Variants in GSTA1 observed in about 807,000 individuals in gnomAD.
GSTA1 encodes glutathione S-transferase A1.
A neutral mutation model predicts 21.5 loss-of-function variants in GSTA1; 23 were observed. The observed-to-expected ratio is 1.07, with a 90% confidence interval of 0.77 to 1.52. The LOEUF (loss-of-function observed/expected upper bound fraction) is 1.52. Among genes scored for constraint, GSTA1 ranks in the 40% most tolerant of loss-of-function variants. The pLI, the probability that GSTA1 is intolerant of heterozygous loss-of-function variation, is 0.00. For missense variants in GSTA1, 301 were observed against 264.2 expected, an observed-to-expected ratio of 1.14 and a Z score of -0.96; for synonymous variants, 125 against 90.0, an observed-to-expected ratio of 1.39 and a Z score of -2.20.
chr6:52,792,840 CT>C lies in GSTA1; in HGVS notation c.546+15del. 6.2e-7 allele frequency: 1 copy of C among 1,613,684 alleles called. No homozygotes were observed. Among genetic ancestry groups the C allele is most frequent in the Non-Finnish European group, 8.5e-7 (1 of 1,179,740 alleles). The stretch of plus-strand genomic sequence containing the variant: ...GGAGATGTGGGGCTGCCTCTCTGGG[CT>C]GTGAAATGGGTCACCTTCAGCAGAG... On this transcript the variant is annotated intron_variant, in intron 6 of 6. Coordinates refer to ENST00000334575, the MANE Select transcript of GSTA1 (RefSeq NM_145740.5).
intron 5 of GSTA1, among the ~76,000 whole-genome samples, chr6:52,793,824 G>A (rs1211162450): frequency 6.6e-6 from 1 of 152,192 alleles, no homozygotes; most frequent in African/African-American, 2.4e-5. Flanking sequence ...AGACTCAACA[G>A]CAACCTCTAG....
At chr6:52,792,535 A>G (rs1213207687) in intron 6 of GSTA1, among the ~76,000 whole-genome samples, 1 of 152,260 alleles carries the variant, frequency 6.6e-6, no homozygotes, top group East Asian at 1.9e-4. Flanking sequence ...GTGGGCACAT[A>G]TGGGATAAAG....
In GSTA1 at chr6:52,791,997, A is replaced by G; in HGVS notation, c.547-17T>C. ...TTTCAGGGCCTGTAATTCATAAAGC[A>G]CAGCCTCAGAGTGAAGCCAAGGGCT... On this transcript the variant is annotated splice_polypyrimidine_tract_variant and intron_variant, in intron 6 of 6. Coordinates refer to ENST00000334575, the MANE Select transcript of GSTA1 (RefSeq NM_145740.5). 3.1e-6 allele frequency: 5 copies of G among 1,613,894 alleles called. No homozygotes were observed. Among genetic ancestry groups the G allele is most frequent in the Non-Finnish European group, 4.2e-6 (5 of 1,179,848 alleles).
At chr6:52,793,011 C>G (rs1475434195) in intron 5 of GSTA1, 24 bp from the exon 6 acceptor site, 1 of 1,613,920 alleles carries the variant, frequency 6.2e-7, no homozygotes, top group Non-Finnish European at 8.5e-7. Flanking sequence ...GGAATCAGAT[C>G]AGGAACACAT....
intron 3 of GSTA1, among the ~76,000 whole-genome samples, chr6:52,796,565 G>C (rs192776557): frequency 1.8e-5 from 1 of 54,842 alleles, no homozygotes; most frequent in African/African-American, 5.7e-5. Flanking sequence ...TTTTTTTTTG[G>C]CAGAGTATCA....
chr6:52,794,347 T>G, intron 4 of GSTA1, 81 bp from the exon 5 acceptor site: 1 of 1,413,892 alleles, frequency 7.1e-7, no homozygotes, highest in Non-Finnish European at 9.6e-7. Context: ...GGGAGTAGAG[T>G]ATCAGGTGAT....
chr6:52,792,041 AC>A, intron 6 of GSTA1, 61 bp from the exon 7 acceptor site: 2 of 1,602,880 alleles, frequency 1.2e-6, no homozygotes, highest in Non-Finnish European at 1.7e-6. Context: ...CATTAACATG[AC>A]CCAGGGAATC....
chr6:52,799,152 A>G (rs765982798), intron 2 of GSTA1, 29 bp downstream of exon 2: 30 of 1,599,752 alleles, frequency 1.9e-5, no homozygotes, highest in Middle Eastern at 3.3e-4. Context: ...TTTTAAATCC[A>G]ACTTAAGATG....
chr6:52,794,203 A>G lies in GSTA1; in HGVS notation c.336T>C (p.Cys112=), dbSNP rs1763522960. The change falls in exon 5 of 7, where the codon TGT becomes TGC. Residue 112 remains cysteine, a synonymous_variant. Transcript: ENST00000334575. ...LGEMILLLPV[C]PPEEKDAKLA... is the part of the protein sequence containing the mutation. Reference sequence around the variant, plus strand: ...GCTTGGCATCTTTTTCCTCAGGTGGACATACGGGCAGAAGGAGGATCATTT... The same window carrying G: ...GCTTGGCATCTTTTTCCTCAGGTGGGCATACGGGCAGAAGGAGGATCATTT... The G allele has an allele frequency of 6.2e-7, 1 of 1,613,718 alleles. No homozygotes were observed. Among genetic ancestry groups the G allele is most frequent in the African/African-American group, 1.3e-5 (1 of 74,924 alleles).
chr6:52,802,146 A>T (rs1763733234), intron 1 of GSTA1, among the ~76,000 whole-genome samples: 1 of 152,164 alleles, frequency 6.6e-6, no homozygotes, highest in African/African-American at 2.4e-5. Flanking sequence ...CAACCTAAAA[A>T]TCAGAGTGAG....
chr6:52,797,729 A>C (rs1056443027), intron 2 of GSTA1, 92 bp from the exon 3 acceptor site: 2 of 1,135,102 alleles, frequency 1.8e-6, no homozygotes, highest in African/African-American at 3.0e-5. Flanking sequence ...CATTTGGAGA[A>C]TACAAGATTT....
chr6:52,796,489 A>ATGTG (rs1303717345), intron 3 of GSTA1, among the ~76,000 whole-genome samples, 175 bp from the exon 4 acceptor site: 4 of 13,078 alleles, frequency 3.1e-4, no homozygotes, highest in African/African-American at 1.7e-3. Flanking sequence ...ATATATATAT[A>ATGTG]TGTGTGTGTG....
chr6:52,792,523 T>C (rs4147615), intron 6 of GSTA1, among the ~76,000 whole-genome samples: 48,199 of 151,898 alleles, frequency 0.32, 9,107 homozygotes, highest in Non-Finnish European at 0.42. Context: ...GACCGGCTCA[T>C]TGTGGGCACA....
chr6:52,799,696 G>T (rs1763668230), intron 1 of GSTA1, among the ~76,000 whole-genome samples: 1 of 152,184 alleles, frequency 6.6e-6, no homozygotes, highest in African/African-American at 2.4e-5. Context: ...CCCGTGAAAT[G>T]ATTGTTATCT....
chr6:52,793,000 A>AT lies in GSTA1; in HGVS notation c.415-14_415-13insA, dbSNP rs1161295088. On this transcript the variant is annotated splice_polypyrimidine_tract_variant and intron_variant, in intron 5 of 6. Transcript: ENST00000334575. ...GGCTCTTTAAGACCTGGAGAATGGG[A>AT]GGAATCAGATCAGGAACACATGCAC... is the stretch of plus-strand genomic sequence containing the variant. 2 of 1,613,898 alleles carry AT rather than the reference A, an allele frequency of 1.2e-6. No homozygotes were observed. The highest frequency in any genetic ancestry group is 2.7e-5 in the African/African-American group (2 of 74,912).
At position 52,796,196 on chromosome 6, in the gene GSTA1, T is replaced by C; in HGVS notation, c.258A>G (p.Ile86Met). 6.2e-7 allele frequency: 1 copy of C among 1,613,712 alleles called. No individual in the cohort carries two copies. ...ASKYNLYGKD[I>M]KERALIDMYI... ...ATATACCGTACAGGGCTCTCTCCTT[T>C]ATGTCTTTCCCATAGAGGTTGTATT... Residue 86 changes from isoleucine (I) to methionine (M), a missense_variant, in exon 4 of 7, where the codon ATA becomes ATG. Physicochemically the swap from Ile to Met is conservative, Grantham distance 10 (BLOSUM62 1). Transcript: ENST00000334575.
chr6:52,794,795 T>C (rs1410893764), intron 4 of GSTA1, among the ~76,000 whole-genome samples: 12 of 152,298 alleles, frequency 7.9e-5, no homozygotes, highest in Middle Eastern at 3.4e-3. Flanking sequence ...CCACAGCCCT[T>C]TCCATGTGCT....
At chr6:52,792,639 A>G (rs1763484193) in intron 6 of GSTA1, 26 of 1,235,800 alleles carry the variant, frequency 2.1e-5, no homozygotes, top group Non-Finnish European at 2.7e-5. Context: ...TAAAGGGCAA[A>G]ATACTCTTTG....
At position 52,796,544 on chromosome 6, in the gene GSTA1, T is replaced by TACA; in HGVS notation, c.140-231_140-230insTGT. On this transcript the variant is annotated intron_variant, in intron 3 of 6. Coordinates refer to ENST00000334575, the MANE Select transcript of GSTA1 (RefSeq NM_145740.5). ...GTGTGTGTGTGTATATATATATATATTTTTTTTTTTTTTTTTTTTGGCAGA... is the reference window on the plus strand; with the variant it reads ...GTGTGTGTGTGTATATATATATATATACATTTTTTTTTTTTTTTTTTTGGCAGA... Among the ~76,000 whole-genome samples, 2 of 40,430 alleles carry TACA rather than the reference T, an allele frequency of 4.9e-5. 1 individual carries two copies. Among genetic ancestry groups the TACA allele is most frequent in the East Asian group, 9.3e-4 (2 of 2,160 alleles). 26.5% of individuals were successfully genotyped at this position (40,430 alleles called of 152,430 possible). A position where few individuals can be genotyped will look rare whatever the true frequency, so the allele number is the denominator to read the frequency against.
Sources: allele counts gnomAD v4.1 joint callset (sites outside exome capture counted in the v4.1 genomes callset), GRCh38; gene constraint gnomAD v4.1.1; transcripts MANE v1.5; gene names NCBI Gene and HGNC (gene_info 2026-07-23, HGNC 2026-07-21).